The following PCDHA4 variants were observed in gnomAD, a reference collection of about 807,000 sequenced individuals.
PCDHA4 encodes the protein protocadherin alpha-4.
A neutral mutation model predicts 61.4 loss-of-function variants in PCDHA4; 49 were observed. The ratio of observed to expected loss-of-function variants is 0.80; its 90% CI spans 0.63 to 1.01. The LOEUF (loss-of-function observed/expected upper bound fraction) is 1.01. Among genes scored for constraint, PCDHA4 ranks in the 50% least tolerant of loss-of-function variants. The pLI is 0.00. For missense variants in PCDHA4, 1,254 were observed against 1,235.8 expected (o/e 1.01, Z -0.22); for synonymous variants, 590 against 550.3 (o/e 1.07, Z -1.01).
In PCDHA4 at chr5:141,007,395, CAAAAAAAAA is replaced by C. The variant is rs35800918; in HGVS notation, c.2534-2217_2534-2209del. 1.6e-4 allele frequency among the ~76,000 whole-genome samples: 15 copies of C among 94,844 alleles called. No individual in the cohort carries two copies. The East Asian group carries it at 2.4e-3, about 15-fold the overall frequency. The allele number at this position is 94,844 out of a possible 152,430, so 62.2% of individuals were successfully genotyped here. A position where few individuals can be genotyped will look rare whatever the true frequency, so the allele number is the denominator to read the frequency against. On this transcript the variant is annotated intron_variant, in intron 3 of 3. Transcript: ENST00000530339. The stretch of plus-strand genomic sequence containing the variant: ...ATGGAACACCATCTCTACTAAAATA[CAAAAAAAAA>C]AAAAAAAAAAAAAATTAGCCAGGCA...
At chr5:140,986,397 C>T (rs943993265) in intron 3 of PCDHA4, among the ~76,000 whole-genome samples, 8 of 152,280 alleles carry the variant, frequency 5.3e-5, no homozygotes, top group Admixed American at 3.9e-4. Flanking sequence ...AAGGGCCAGT[C>T]GCTCATGTTA....
Position 141,009,656 on chromosome 5 carries a change from G to T in PCDHA4, c.2563G>T (p.Val855Phe). The T allele has an allele frequency of 6.2e-7, 1 of 1,614,000 alleles. No individual in the cohort carries two copies. The highest frequency in any genetic ancestry group is 8.5e-7 in the Non-Finnish European group (1 of 1,179,978). Residue 855 changes from valine (V) to phenylalanine (F), a missense_variant, in exon 4 of 4, where the codon GTC (valine) becomes TTC (phenylalanine). Physicochemically the swap from Val to Phe is conservative, Grantham distance 50. Coordinates refer to ENST00000530339, the MANE Select transcript of PCDHA4 (RefSeq NM_018907.4). The stretch of plus-strand genomic sequence containing the variant: ...AGAGGCAGGAGAAGTGTCCCCTCCA[G>T]TCGGTGCGGGTGTCAACAGCAACAG... Reference protein sequence around the residue: ...EPEAGEVSPPVGAGVNSNSWT... With the variant: ...EPEAGEVSPPFGAGVNSNSWT...
rs144848413 is a variant in PCDHA4 at position 140,843,473 on chromosome 5, T to C, written c.2385+33901T>C. 4.9e-4 allele frequency: 775 copies of C among 1,595,974 alleles called. 42 individuals carry two copies. The African/African-American group carries it at 8.9e-3, about 18-fold the overall frequency. On this transcript the variant is annotated intron_variant, in intron 1 of 3. Coordinates refer to ENST00000530339, the MANE Select transcript of PCDHA4 (RefSeq NM_018907.4). ...CCTGCTGGTGCTCACGCTGCTGCTG[T>C]ACACTGCGCTGCGGTGCTCAGCACT...
chr5:140,963,850 A>T (rs2095793640), intron 1 of PCDHA4, among the ~76,000 whole-genome samples: 1 of 152,244 alleles, frequency 6.6e-6, no homozygotes. Flanking sequence ...TAATCATAAT[A>T]ATAACCGTAT....
intron 1 of PCDHA4, among the ~76,000 whole-genome samples, chr5:140,908,078 A>T (rs1047293736): frequency 6.6e-6 from 1 of 152,202 alleles, no homozygotes; most frequent in Non-Finnish European, 1.5e-5. Context: ...AAAGTGCACA[A>T]CCAGGTGCAC....
At chr5:140,841,633 C>T in intron 1 of PCDHA4, 1 of 1,614,144 alleles carries the variant, frequency 6.2e-7, no homozygotes, top group Non-Finnish European at 8.5e-7. Flanking sequence ...AGTGCAGCAT[C>T]CACCTGGAGG....
chr5:140,924,597 G>A lies in PCDHA4; in HGVS notation c.2386-54352G>A, dbSNP rs1278228526. ...ATGTTTTCAAATATTATAGAAATATGCAGGCTGATGCCAGGTGCGGTGGCA... is the reference window on the plus strand; with the variant it reads ...ATGTTTTCAAATATTATAGAAATATACAGGCTGATGCCAGGTGCGGTGGCA... On this transcript the variant is annotated intron_variant, in intron 1 of 3. Coordinates refer to ENST00000530339, the MANE Select transcript of PCDHA4 (RefSeq NM_018907.4). Among the ~76,000 whole-genome samples the A allele has an allele frequency of 2.6e-5, 4 of 152,078 alleles. No homozygotes were observed. The East Asian group carries it at 7.7e-4, about 29-fold the overall frequency.
At chr5:140,967,346 G>A (rs1332345482) in intron 1 of PCDHA4, 1 of 1,607,970 alleles carries the variant, frequency 6.2e-7, no homozygotes, top group Non-Finnish European at 8.5e-7. Flanking sequence ...CGAGCACTTC[G>A]AGCTGGACCT....
intron 1 of PCDHA4, chr5:140,835,785 A>G (rs2150244615): frequency 1.2e-6 from 2 of 1,613,238 alleles, no homozygotes; most frequent in Admixed American, 3.3e-5. Context: ...GAAGGAGAAC[A>G]ACCCGCCGGG....
In PCDHA4 at chr5:140,940,501, C is replaced by T. The variant is rs542798581; in HGVS notation, c.2386-38448C>T. Among the ~76,000 whole-genome samples, 272 of 152,010 alleles carry T rather than the reference C, an allele frequency of 1.8e-3. 2 individuals are homozygous for T. The highest frequency in any genetic ancestry group is 6.1e-3 in the African/African-American group (254 of 41,464). Reference sequence around the variant, plus strand: ...TTTTTCAAGACAAGTCTTGCTCCGTCGCTCAGGCGTGATCATAGCTCACTG... The same window carrying T: ...TTTTTCAAGACAAGTCTTGCTCCGTTGCTCAGGCGTGATCATAGCTCACTG... On this transcript the variant is annotated intron_variant, in intron 1 of 3. Coordinates refer to ENST00000530339, the MANE Select transcript of PCDHA4 (RefSeq NM_018907.4).
At chr5:140,819,454 G>A (rs2150104376) in intron 1 of PCDHA4, among the ~76,000 whole-genome samples, 76,209 of 151,886 alleles carry the variant, frequency 0.5, 19,326 homozygotes, top group Middle Eastern at 0.62. Context: ...TTTTCTCAAG[G>A]AAGAACTTCT....
rs2150186408 is a variant in PCDHA4, at chr5:140,830,436, T to A, written c.2385+20864T>A. On this transcript the variant is annotated intron_variant, in intron 1 of 3. Transcript: ENST00000530339. ...CCCAGCCTTTCACCTTGTCCTATTA[T>A]GATGGGTAAGGCGGAGAATCAGGAT... is the stretch of plus-strand genomic sequence containing the variant. The A allele has an allele frequency of 1.5e-5, 24 of 1,612,796 alleles. No homozygotes were observed. The South Asian group carries it at 2.0e-4, about 13-fold the overall frequency.
chr5:141,002,941 C>G (rs964416301), intron 3 of PCDHA4, among the ~76,000 whole-genome samples: 18 of 152,216 alleles, frequency 1.2e-4, no homozygotes, highest in African/African-American at 4.1e-4. Flanking sequence ...CACCCTCCAG[C>G]ACATGCCCCT....
rs189949937 is a variant in PCDHA4 at position 140,920,653 on chromosome 5, T to C, written c.2386-58296T>C. On this transcript the variant is annotated intron_variant, in intron 1 of 3. Coordinates refer to ENST00000530339, the MANE Select transcript of PCDHA4 (RefSeq NM_018907.4). ...AAGGTCAAGAGATTGAGACCATCCT[T>C]GCCAACATGGTGAAACCCCATCTCT... is the stretch of plus-strand genomic sequence containing the variant. Among the ~76,000 whole-genome samples, 1,219 of 152,042 alleles carry C rather than the reference T, an allele frequency of 8.0e-3. 5 individuals carry two copies. Among genetic ancestry groups the C allele is most frequent in the African/African-American group, 0.019 (786 of 41,502 alleles).
chr5:140,905,980 G>A (rs2072263534), intron 1 of PCDHA4, among the ~76,000 whole-genome samples: 1 of 152,178 alleles, frequency 6.6e-6, no homozygotes, highest in Non-Finnish European at 1.5e-5. Context: ...CAGCATGGGA[G>A]AAAGATGTAG....
chr5:140,945,829 A>G (rs1472344558), intron 1 of PCDHA4, among the ~76,000 whole-genome samples: 1 of 152,180 alleles, frequency 6.6e-6, no homozygotes, highest in Non-Finnish European at 1.5e-5. Flanking sequence ...ACAAAAGTCA[A>G]CTCAAAATGG....
intron 1 of PCDHA4, among the ~76,000 whole-genome samples, chr5:140,898,597 G>T (rs1452719602): frequency 6.6e-6 from 1 of 152,186 alleles, no homozygotes; most frequent in Non-Finnish European, 1.5e-5. Context: ...CTGTAGCCTT[G>T]TAGTATAGTT....
At chr5:140,997,833 A>G (rs2097787444) in intron 3 of PCDHA4, among the ~76,000 whole-genome samples, 1 of 152,230 alleles carries the variant, frequency 6.6e-6, no homozygotes. Flanking sequence ...TCTAAACAAT[A>G]CAATATACAT....
chr5:140,841,274 C>A, intron 1 of PCDHA4: 1 of 1,518,266 alleles, frequency 6.6e-7, no homozygotes. Flanking sequence ...TACAGTCGTT[C>A]ATCTTTATAT....
Sources: gnomAD v4.1 joint callset for allele counts (sites outside exome capture counted in the v4.1 genomes callset) on GRCh38, gnomAD v4.1.1 for gene constraint, MANE v1.5 for transcripts, NCBI Gene and HGNC (gene_info 2026-07-23, HGNC 2026-07-21) for gene names.